Variants in KLRG1 observed in about 807,000 individuals in gnomAD.
KLRG1 encodes killer cell lectin like receptor G1, also known as killer cell lectin-like receptor subfamily G member 1.
In KLRG1, 16 loss-of-function variants were observed where a neutral mutation model predicts 21.8. The ratio of observed to expected loss-of-function variants is 0.73; its 90% CI spans 0.50 to 1.11. The LOEUF (loss-of-function observed/expected upper bound fraction) is 1.11. KLRG1 is among the 50% of genes most tolerant of loss of function. The pLI is 0.00. For missense variants in KLRG1, 173 were observed against 218.3 expected (o/e 0.79, Z 1.31); for synonymous variants, 69 against 75.9 (o/e 0.91, Z 0.47).
At chr12:9,101,758 C>A in the KLRG1 span, 17 of 1,064,044 alleles carry the variant, frequency 1.6e-5, 1 homozygote, top group Admixed American at 1.4e-4. Context: ...AGTTTACTGT[C>A]CTACCTTAAC....
the KLRG1 span, chr12:9,196,333 T>C: frequency 6.2e-7 from 1 of 1,601,954 alleles, no homozygotes; most frequent in Admixed American, 1.7e-5. Flanking sequence ...ATCTTACCTG[T>C]GCAAAAAAGG....
intron 1 of KLRG1, among the ~76,000 whole-genome samples, chr12:8,961,286 G>A (rs2137216353): frequency 6.6e-6 from 1 of 152,314 alleles, no homozygotes; most frequent in African/African-American, 2.4e-5. Context: ...GCAGGTTAAT[G>A]TGTTTGCTCA....
At chr12:8,999,089 T>TA (rs1947231188) in intron 3 of KLRG1, among the ~76,000 whole-genome samples, 1 of 152,128 alleles carries the variant, frequency 6.6e-6, no homozygotes, top group Admixed American at 6.6e-5. Flanking sequence ...ATAGAGAAAA[T>TA]AAAATGGAAA....
At chr12:9,135,910 C>G in the KLRG1 span, among the ~76,000 whole-genome samples, 1 of 152,150 alleles carries the variant, frequency 6.6e-6, no homozygotes, top group Non-Finnish European at 1.5e-5. Context: ...GTCAAAGAAC[C>G]TTTCTCTGTA....
chr12:9,094,845 C>A, the KLRG1 span: 1 of 440,398 alleles, frequency 2.3e-6, no homozygotes, highest in Non-Finnish European at 3.9e-6. Flanking sequence ...TGACCTTGAG[C>A]AATAACCTTA....
At chr12:9,107,580 C>T in the KLRG1 span, 8 of 1,613,848 alleles carry the variant, frequency 5.0e-6, no homozygotes, top group Admixed American at 1.7e-5. Context: ...CAGTCGGAAG[C>T]GTCACTATAC....
At chr12:9,012,725 C>G (rs1947649284), downstream of KLRG1, among the ~76,000 whole-genome samples, 1 of 151,962 alleles carries the variant, frequency 6.6e-6, no homozygotes, top group Non-Finnish European at 1.5e-5. Flanking sequence ...TCCTTGATTC[C>G]AGGCTCCTGG....
the KLRG1 span, chr12:9,076,686 G>GAGGGAT: frequency 6.8e-7 from 1 of 1,479,550 alleles, no homozygotes; most frequent in Non-Finnish European, 9.4e-7. Flanking sequence ...AGGTAGGAGT[G>GAGGGAT]AGGGATTTTT....
At chr12:8,973,429 A>C (rs1946604895) in intron 1 of KLRG1, among the ~76,000 whole-genome samples, 1 of 152,168 alleles carries the variant, frequency 6.6e-6, no homozygotes, top group African/African-American at 2.4e-5. Flanking sequence ...GAAACCAGGT[A>C]GTCGCCTTTT....
At chr12:9,145,966 TTC>T in the KLRG1 span, among the ~76,000 whole-genome samples, 4 of 152,188 alleles carry the variant, frequency 2.6e-5, no homozygotes, top group Non-Finnish European at 5.9e-5. Context: ...GCTTTGAAAA[TTC>T]TCTTTTACTT....
chr12:9,044,168 C>T, the KLRG1 span, among the ~76,000 whole-genome samples: 4 of 152,078 alleles, frequency 2.6e-5, no homozygotes, highest in East Asian at 3.9e-4. Context: ...TAATATGTGT[C>T]CCAATTTCAA....
At chr12:9,049,821 T>TA in the KLRG1 span, among the ~76,000 whole-genome samples, 2 of 152,144 alleles carry the variant, frequency 1.3e-5, no homozygotes, top group African/African-American at 4.8e-5. Context: ...GGGAAGCATA[T>TA]AAAAAACGTA....
the KLRG1 span, among the ~76,000 whole-genome samples, chr12:9,201,610 T>C: frequency 1.3e-5 from 2 of 152,176 alleles, no homozygotes; most frequent in African/African-American, 4.8e-5. Flanking sequence ...TCTTTAAGTA[T>C]TAATATTATT....
the KLRG1 span, among the ~76,000 whole-genome samples, chr12:9,165,692 A>T: frequency 4.9e-3 from 749 of 152,328 alleles, 4 homozygotes; most frequent in African/African-American, 0.017. Context: ...TTTAAGAATC[A>T]TGACCAACAA....
At chr12:9,071,778 C>G in the KLRG1 span, among the ~76,000 whole-genome samples, 1 of 152,142 alleles carries the variant, frequency 6.6e-6, no homozygotes, top group Non-Finnish European at 1.5e-5. Context: ...TGATCTCATT[C>G]TTTTTGATGT....
At chr12:9,138,241 T>C in the KLRG1 span, among the ~76,000 whole-genome samples, 1 of 152,056 alleles carries the variant, frequency 6.6e-6, no homozygotes, top group Non-Finnish European at 1.5e-5. Flanking sequence ...TTGAATTTTG[T>C]CAAATGCTTT....
the KLRG1 span, among the ~76,000 whole-genome samples, chr12:9,179,317 C>T: frequency 6.6e-6 from 1 of 152,098 alleles, no homozygotes; most frequent in African/African-American, 2.4e-5. Flanking sequence ...TTTATTGCCT[C>T]TCTCTAAGGA....
chr12:9,181,160 A>G, the KLRG1 span: 1 of 1,613,698 alleles, frequency 6.2e-7, no homozygotes, highest in Non-Finnish European at 8.5e-7. Context: ...AACGTCAACC[A>G]GTGTTTTCCC....
the KLRG1 span, among the ~76,000 whole-genome samples, chr12:9,096,067 A>G: frequency 6.6e-6 from 1 of 152,140 alleles, no homozygotes; most frequent in Non-Finnish European, 1.5e-5. Flanking sequence ...CCTTTGTGAC[A>G]TTTTTTAAGT....
Sources: gnomAD v4.1 joint callset for allele counts (sites outside exome capture counted in the v4.1 genomes callset) on GRCh38, gnomAD v4.1.1 for gene constraint, MANE v1.5 for transcripts, NCBI Gene and HGNC (gene_info 2026-07-23, HGNC 2026-07-21) for gene names.